The following SCN1A variants were observed in gnomAD, a reference collection of about 807,000 sequenced individuals.
The protein encoded by SCN1A is sodium channel protein type 1 subunit alpha.
Under a neutral mutation model 193.7 loss-of-function variants are expected in SCN1A, and 13 were observed. The ratio of observed to expected loss-of-function variants is 0.07; its 90% CI spans 0.04 to 0.11. SCN1A has a LOEUF of 0.11. Among genes scored for constraint, SCN1A ranks in the 10% least tolerant of loss-of-function variants. SCN1A has a pLI of 1.00. For synonymous variants in SCN1A, 781 were observed against 843.6 expected (o/e 0.93, Z 1.29); for missense variants, 1,432 against 2,451.1 (o/e 0.58, Z 8.78).
chr2:166,021,167 TAAG>T lies in SCN1A; in HGVS notation c.3430-5443_3430-5441del, dbSNP rs139116584. ...TGATAGACCCTGATTCTCATAATAG[TAAG>T]AAGAATTTTCCCCTACTTTCAAATC... On this transcript the variant is annotated intron_variant, in intron 19 of 28. Transcript: ENST00000674923. Among the ~76,000 whole-genome samples, 979 of 152,294 alleles carry T rather than the reference TAAG, an allele frequency of 6.4e-3. 15 individuals are homozygous for T. Among genetic ancestry groups the T allele is most frequent in the African/African-American group, 0.022 (932 of 41,566 alleles).
chr2:166,040,411 T>G (rs1057470946), intron 16 of SCN1A, among the ~76,000 whole-genome samples: 14 of 152,210 alleles, frequency 9.2e-5, no homozygotes, highest in African/African-American at 3.4e-4. Context: ...TGTCATTCTT[T>G]GTTATGCACA....
At chr2:166,061,933 T>A (rs2892992) in intron 4 of SCN1A, among the ~76,000 whole-genome samples, 31,389 of 152,106 alleles carry the variant, frequency 0.21, 3,495 homozygotes, top group East Asian at 0.37. Flanking sequence ...TTATTCATTT[T>A]AAAAATTTAA....
intron 2 of SCN1A, among the ~76,000 whole-genome samples, chr2:166,096,591 G>GT (rs1386573857): frequency 6.6e-6 from 1 of 152,104 alleles, no homozygotes; most frequent in Non-Finnish European, 1.5e-5. Context: ...GAGAGATCAT[G>GT]TTTTTTATAA....
intron 8 of SCN1A, 76 bp downstream of exon 8, chr2:166,052,776 G>C: frequency 8.3e-7 from 1 of 1,208,232 alleles, no homozygotes; most frequent in Non-Finnish European, 1.2e-6. Context: ...CTGATTTTCT[G>C]TAAAACTGAA....
At chr2:166,143,310 G>A (rs1692172895) in intron 1 of SCN1A, among the ~76,000 whole-genome samples, 2 of 151,908 alleles carry the variant, frequency 1.3e-5, no homozygotes, top group Non-Finnish European at 2.9e-5. Flanking sequence ...GGGACTACAG[G>A]CGCCTGCCAC....
At chr2:166,084,194 C>T (rs147883333) in intron 2 of SCN1A, among the ~76,000 whole-genome samples, 1 of 151,826 alleles carries the variant, frequency 6.6e-6, no homozygotes, top group African/African-American at 2.4e-5. Context: ...TTTTCTCTCC[C>T]AGCTCTCCTT....
chr2:166,025,553 A>C (rs955693016), intron 19 of SCN1A, among the ~76,000 whole-genome samples: 1 of 152,148 alleles, frequency 6.6e-6, no homozygotes, highest in Non-Finnish European at 1.5e-5. Context: ...ATGTAATGTA[A>C]TTAAAGGGTG....
intron 2 of SCN1A, among the ~76,000 whole-genome samples, chr2:166,078,965 T>A (rs1421893291): frequency 6.6e-6 from 1 of 151,722 alleles, no homozygotes; most frequent in Non-Finnish European, 1.5e-5. Flanking sequence ...TATGCTCTGA[T>A]AATGTAGTTC....
intron 2 of SCN1A, among the ~76,000 whole-genome samples, chr2:166,079,987 G>T (rs1435377007): frequency 6.6e-6 from 1 of 150,984 alleles, no homozygotes; most frequent in African/African-American, 2.4e-5. Context: ...ATCTCATAAG[G>T]TTAATTATGA....
intron 4 of SCN1A, among the ~76,000 whole-genome samples, chr2:166,070,355 C>G (rs1308498194): frequency 6.6e-6 from 1 of 152,152 alleles, no homozygotes; most frequent in African/African-American, 2.4e-5. Context: ...CATGAGTATA[C>G]CTTACCTTGG....
intron 1 of SCN1A, among the ~76,000 whole-genome samples, chr2:166,142,658 T>C (rs943708849): frequency 7.9e-5 from 12 of 152,198 alleles, no homozygotes; most frequent in African/African-American, 2.9e-4. Context: ...CTGAATAAAA[T>C]AATTCCAACA....
In SCN1A at chr2:166,057,624, C is replaced by T. The variant is rs181814943; in HGVS notation, c.383+946G>A. ...ACTTCCCTAAGTATAAAAACCCTAT[C>T]ATATGATTTTTATGTTTCAAATCTT... On this transcript the variant is annotated intron_variant, in intron 5 of 28. Coordinates refer to ENST00000674923, the MANE Select transcript of SCN1A (RefSeq NM_001165963.4). 4.4e-3 allele frequency among the ~76,000 whole-genome samples: 672 copies of T among 152,032 alleles called. 7 individuals carry two copies. The highest frequency in any genetic ancestry group is 0.02 in the Middle Eastern group (6 of 294).
chr2:166,036,288 G>T lies in SCN1A; in HGVS notation c.3189C>A (p.Ser1063=). 1 of 1,613,454 alleles carries T rather than the reference G, an allele frequency of 6.2e-7. No individual in the cohort carries two copies. The highest frequency in any genetic ancestry group is 8.5e-7 in the Non-Finnish European group (1 of 1,179,562). ...CTTTCCCAATTTCTGCTGTATGATTGGACATACAACTGTCTTTCTTGTTGT... is the reference window on the plus strand; with the variant it reads ...CTTTCCCAATTTCTGCTGTATGATTTGACATACAACTGTCTTTCTTGTTGT... ...DLNNKKDSCM[S]NHTAEIGKDL... is the part of the protein sequence containing the mutation. Residue 1063 remains serine (S), a synonymous_variant, in exon 19 of 29, where the codon TCC becomes TCA. Transcript: ENST00000674923.
chr2:165,997,907 A>C (rs1268781960), intron 26 of SCN1A, 131 bp downstream of exon 26: 1 of 674,804 alleles, frequency 1.5e-6, no homozygotes, highest in Non-Finnish European at 2.6e-6. Context: ...TGACAGAGGA[A>C]GAGGAAGGAA....
At chr2:166,051,195 G>C (rs943814090) in intron 9 of SCN1A, among the ~76,000 whole-genome samples, 2 of 151,984 alleles carry the variant, frequency 1.3e-5, no homozygotes, top group African/African-American at 4.8e-5. Flanking sequence ...GCATTTAGGA[G>C]TCAAAACTAG....
At chr2:166,139,365 G>A (rs1691991526) in intron 1 of SCN1A, among the ~76,000 whole-genome samples, 1 of 152,150 alleles carries the variant, frequency 6.6e-6, no homozygotes, top group South Asian at 2.1e-4. Context: ...AACCCAGTGG[G>A]AGGTAATTGA....
chr2:166,057,603 C>G (rs1025862331), intron 5 of SCN1A, among the ~76,000 whole-genome samples: 1 of 151,884 alleles, frequency 6.6e-6, no homozygotes, highest in East Asian at 1.9e-4. Flanking sequence ...AAGGAAACTT[C>G]CCTAAGTATA....
intron 1 of SCN1A, among the ~76,000 whole-genome samples, chr2:166,138,952 A>G (rs4309588): frequency 0.77 from 117,213 of 152,032 alleles, 45,838 homozygotes; most frequent in African/African-American, 0.9. Context: ...GAGACATGGA[A>G]TCAAAGATCA....
At chr2:166,025,106 T>C (rs925153785) in intron 19 of SCN1A, among the ~76,000 whole-genome samples, 1 of 148,980 alleles carries the variant, frequency 6.7e-6, no homozygotes, top group Non-Finnish European at 1.5e-5. Context: ...ACACCCAGCA[T>C]CTTAACATAC....
Sources: gnomAD v4.1 joint callset for allele counts (sites outside exome capture counted in the v4.1 genomes callset) on GRCh38, gnomAD v4.1.1 for gene constraint, MANE v1.5 for transcripts, NCBI Gene and HGNC (gene_info 2026-07-23, HGNC 2026-07-21) for gene names.